P2RX7: variants seen among roughly 807,000 people sequenced by gnomAD.
The protein encoded by P2RX7 is purinergic receptor P2X 7.
P2RX7 carries 62 observed loss-of-function variants against 71.6 expected under a neutral mutation model. The observed-to-expected ratio is 0.87, with a 90% CI of 0.71 to 1.07. P2RX7 has a LOEUF of 1.07. Among genes scored for constraint, P2RX7 ranks in the 50% least tolerant of loss-of-function variants. P2RX7 has a pLI of 0.00. For missense variants in P2RX7, 686 were observed against 748.5 expected, an observed-to-expected ratio of 0.92 and a Z score of 0.97; for synonymous variants, 299 against 283.3, an observed-to-expected ratio of 1.06 and a Z score of -0.56.
At chr12:121,162,755 C>A (rs895592280) in intron 5 of P2RX7, among the ~76,000 whole-genome samples, 2 of 152,074 alleles carry the variant, frequency 1.3e-5, no homozygotes, top group East Asian at 1.9e-4. Context: ...ATAGCTACTA[C>A]CCTGAGCATC....
intron 8 of P2RX7, 101 bp from the exon 9 acceptor site, chr12:121,175,287 G>A (rs3751146): frequency 0.1 from 64,121 of 636,012 alleles, 4,882 homozygotes; most frequent in Admixed American, 0.28. Flanking sequence ...CTCCAGCCTG[G>A]GTGACAGCGT....
chr12:121,139,658 G>A (rs919041402), intron 1 of P2RX7, among the ~76,000 whole-genome samples: 8 of 152,130 alleles, frequency 5.3e-5, no homozygotes, highest in Non-Finnish European at 1.0e-4. Context: ...CCAGCACAGA[G>A]GCCGGGGAGG....
At chr12:121,155,240 T>G in intron 2 of P2RX7, 1 of 1,373,216 alleles carries the variant, frequency 7.3e-7, no homozygotes, top group Non-Finnish European at 9.6e-7. Context: ...CCGCAGCTTT[T>G]TAGACGCACA....
chr12:121,181,255 T>C (rs141355518), intron 12 of P2RX7, among the ~76,000 whole-genome samples: 1 of 152,342 alleles, frequency 6.6e-6, no homozygotes, highest in East Asian at 1.9e-4. Flanking sequence ...TAGTTCATTC[T>C]CATTGTATAA....
At chr12:121,145,490 C>A (rs1875958461) in intron 1 of P2RX7, among the ~76,000 whole-genome samples, 1 of 150,922 alleles carries the variant, frequency 6.6e-6, no homozygotes, top group South Asian at 2.1e-4. Flanking sequence ...GATGACTCGC[C>A]CTTTCTTTCT....
At chr12:121,169,730 A>AC (rs1480200807) in intron 8 of P2RX7, among the ~76,000 whole-genome samples, 10 of 151,902 alleles carry the variant, frequency 6.6e-5, no homozygotes, top group African/African-American at 9.7e-5. Flanking sequence ...ACATAGGGAG[A>AC]CCCCATCTCT....
chr12:121,181,895 CT>C (rs963491388), intron 12 of P2RX7, among the ~76,000 whole-genome samples: 3 of 151,736 alleles, frequency 2.0e-5, no homozygotes, highest in African/African-American at 7.3e-5. Flanking sequence ...GAAACCCTGT[CT>C]CTATTAAAAA....
Position 121,180,340 on chromosome 12 carries a change from C to A in P2RX7, c.1189-14C>A. The A allele has an allele frequency of 6.7e-7, 1 of 1,482,218 alleles. No homozygotes were observed. The highest frequency in any genetic ancestry group is 1.2e-5 in the South Asian group (1 of 81,238). The allele number at this position is 1,482,218 out of a possible 1,614,324, so 91.8% of individuals were successfully genotyped here. A position where few individuals can be genotyped will look rare whatever the true frequency, so the allele number is the denominator to read the frequency against. ...GTACAAAAATGGGTAAACTTTCAAA[C>A]CATCTTTTCCTAGACATTAAAGTAT... is the stretch of plus-strand genomic sequence containing the variant. On this transcript the variant is annotated splice_polypyrimidine_tract_variant and intron_variant, in intron 11 of 12. Transcript: ENST00000328963.
At chr12:121,145,480 G>T (rs1351436932) in intron 1 of P2RX7, among the ~76,000 whole-genome samples, 2 of 151,684 alleles carry the variant, frequency 1.3e-5, no homozygotes, top group Non-Finnish European at 1.5e-5. Context: ...AAGTGGATGT[G>T]ATGACTCGCC....
At chr12:121,133,391 C>T (rs2135960014) in intron 1 of P2RX7, among the ~76,000 whole-genome samples, 1 of 152,358 alleles carries the variant, frequency 6.6e-6, no homozygotes, top group South Asian at 2.1e-4. Flanking sequence ...GGGCAACACC[C>T]TGGATCCCCA....
chr12:121,157,137 C>A lies in P2RX7; in HGVS notation c.363+990C>A, dbSNP rs532569923. ...TGTAACTCCCAACCTCCCAGCCTCC[C>A]CTCTCAGGTAACGTAACTGTGCTGT... is the stretch of plus-strand genomic sequence containing the variant. On this transcript the variant is annotated intron_variant, in intron 3 of 12. Coordinates refer to ENST00000328963, the MANE Select transcript of P2RX7 (RefSeq NM_002562.6). 2.3e-3 allele frequency among the ~76,000 whole-genome samples: 353 copies of A among 152,346 alleles called. 2 individuals carry two copies. Among genetic ancestry groups the A allele is most frequent in the African/African-American group, 7.9e-3 (329 of 41,572 alleles).
chr12:121,142,418 A>G (rs1312711540), intron 1 of P2RX7, among the ~76,000 whole-genome samples: 1 of 152,112 alleles, frequency 6.6e-6, no homozygotes, highest in Non-Finnish European at 1.5e-5. Flanking sequence ...CTATGACACA[A>G]CGCATTGTTC....
At chr12:121,145,179 C>T (rs540150326) in intron 1 of P2RX7, among the ~76,000 whole-genome samples, 2 of 152,246 alleles carry the variant, frequency 1.3e-5, no homozygotes, top group African/African-American at 4.8e-5. Flanking sequence ...ACCTTTAAGG[C>T]GTGGGAGCGC....
chr12:121,141,622 G>C (rs1874889481), intron 1 of P2RX7, among the ~76,000 whole-genome samples: 1 of 152,154 alleles, frequency 6.6e-6, no homozygotes, highest in Admixed American at 6.5e-5. Flanking sequence ...AAACATAACA[G>C]AAAACATGAA....
rs1352653146 is a variant in P2RX7, at chr12:121,163,358, GCACACA to G, written c.533+853_533+858del. ...CACACACACACACACACACACACAC[GCACACA>G]CACACACACACACAATCTACCCCTA... On this transcript the variant is annotated intron_variant, in intron 5 of 12. Transcript: ENST00000328963. Among the ~76,000 whole-genome samples the G allele has an allele frequency of 6.0e-5, 6 of 100,544 alleles. No individual in the cohort carries two copies. In the East Asian group the frequency reaches 2.3e-3, roughly 39 times the overall value. The allele number at this position is 100,544 out of a possible 152,430, so 66.0% of individuals were successfully genotyped here.
At chr12:121,145,030 T>C (rs1431230249) in intron 1 of P2RX7, among the ~76,000 whole-genome samples, 1 of 152,142 alleles carries the variant, frequency 6.6e-6, no homozygotes, top group African/African-American at 2.4e-5. Context: ...GATATACGAA[T>C]CTGCAGCTGA....
intron 8 of P2RX7, among the ~76,000 whole-genome samples, chr12:121,174,768 G>C (rs998097132): frequency 1.3e-5 from 2 of 151,338 alleles, no homozygotes; most frequent in African/African-American, 4.9e-5. Flanking sequence ...TTCTCTGCTT[G>C]TTGTTAATCC....
At chr12:121,169,729 G>A (rs1881793744) in intron 8 of P2RX7, among the ~76,000 whole-genome samples, 1 of 152,254 alleles carries the variant, frequency 6.6e-6, no homozygotes, top group South Asian at 2.1e-4. Flanking sequence ...AACATAGGGA[G>A]ACCCCATCTC....
Position 121,133,053 on chromosome 12 carries a change from C to A in P2RX7, c.83C>A (p.Thr28Asn). The A allele has an allele frequency of 6.2e-7, 1 of 1,614,122 alleles. No homozygotes were observed. The highest frequency in any genetic ancestry group is 8.5e-7 in the Non-Finnish European group (1 of 1,179,990). The change falls in exon 1 of 13, where the codon ACC (threonine) becomes AAC (asparagine). Residue 28 changes from threonine (T) to asparagine (N), a missense_variant. By Grantham distance (65) the Thr-to-Asn change is moderately conservative (BLOSUM62 0). Coordinates refer to ENST00000328963, the MANE Select transcript of P2RX7 (RefSeq NM_002562.6). ...VTRIQSMNYG[T>N]IKWFFHVIIF... is the part of the protein sequence containing the mutation. ...CGGATCCAGAGCATGAATTATGGCA[C>A]CATTAAGTGGTTCTTCCACGTGATC...
Sources: allele counts gnomAD v4.1 joint callset (sites outside exome capture counted in the v4.1 genomes callset), GRCh38; gene constraint gnomAD v4.1.1; transcripts MANE v1.5; gene names NCBI Gene and HGNC (gene_info 2026-07-23, HGNC 2026-07-21).